Variants in SLC25A21 observed in about 807,000 individuals in gnomAD.
SLC25A21 encodes the protein mitochondrial 2-oxodicarboxylate carrier.
A neutral mutation model predicts 43.8 loss-of-function variants in SLC25A21; 47 were observed. The observed-to-expected ratio is 1.07, with a 90% CI of 0.85 to 1.37. SLC25A21 has a LOEUF of 1.37. SLC25A21 is among the 40% of genes most tolerant of loss of function. The probability of loss-of-function intolerance (pLI) is 0.00; values close to 1 mark genes in which losing one functional copy is unlikely to be tolerated. For synonymous variants in SLC25A21, 131 were observed against 121.3 expected (o/e 1.08, Z -0.52); for missense variants, 352 against 350.2 (o/e 1.00, Z -0.04).
At chr14:36,683,790 T>C (rs750858612) in intron 9 of SLC25A21, 38 bp downstream of exon 9, 45 of 1,461,856 alleles carry the variant, frequency 3.1e-5, no homozygotes, top group Non-Finnish European at 4.1e-5. Context: ...GCTAGAACAA[T>C]AAAGAAGGAA....
intron 1 of SLC25A21, among the ~76,000 whole-genome samples, chr14:37,004,086 C>T (rs1448075685): frequency 6.6e-6 from 1 of 152,104 alleles, no homozygotes; most frequent in Non-Finnish European, 1.5e-5. Context: ...CTGCAAACCA[C>T]TCTTAGAATC....
chr14:36,798,823 G>A (rs1175804923), intron 3 of SLC25A21, among the ~76,000 whole-genome samples: 1 of 152,032 alleles, frequency 6.6e-6, no homozygotes, highest in African/African-American at 2.4e-5. Flanking sequence ...TAATGGGATT[G>A]TCCAGCATTA....
Position 37,016,813 on chromosome 14 carries a change from C to T in SLC25A21, c.71-141809G>A, listed in dbSNP as rs1383624035. 2.4e-4 allele frequency among the ~76,000 whole-genome samples: 37 copies of T among 152,078 alleles called. 1 individual carries two copies. Among genetic ancestry groups the T allele is most frequent in the Admixed American group, 2.4e-3 (37 of 15,224 alleles). On this transcript the variant is annotated intron_variant, in intron 1 of 9. Transcript: ENST00000331299. The stretch of plus-strand genomic sequence containing the variant: ...GCTACATTAACACTGACTGTTTCAC[C>T]TTGCACTTTTCTGTTATGAAGACAG...
chr14:37,112,538 G>A (rs939178100), intron 1 of SLC25A21, among the ~76,000 whole-genome samples: 6 of 152,074 alleles, frequency 3.9e-5, no homozygotes, highest in Non-Finnish European at 8.8e-5. Flanking sequence ...CTTTTAGCTG[G>A]ACACATAATT....
intron 1 of SLC25A21, among the ~76,000 whole-genome samples, chr14:37,095,652 G>C (rs1962674981): frequency 6.6e-6 from 1 of 152,258 alleles, no homozygotes. Flanking sequence ...TTGGGAGGCT[G>C]AAGTAGGAGG....
intron 3 of SLC25A21, among the ~76,000 whole-genome samples, chr14:36,764,649 T>A (rs1886343273): frequency 1.5e-5 from 2 of 137,236 alleles, no homozygotes; most frequent in South Asian, 5.0e-4. Flanking sequence ...CATGCCCACA[T>A]ACACACACAC....
chr14:37,089,477 A>G (rs1962543871), intron 1 of SLC25A21, among the ~76,000 whole-genome samples: 1 of 152,184 alleles, frequency 6.6e-6, no homozygotes, highest in South Asian at 2.1e-4. Context: ...CTGGTATGTT[A>G]TTAGCTCTTA....
intron 1 of SLC25A21, among the ~76,000 whole-genome samples, chr14:37,069,739 C>T (rs929207327): frequency 6.6e-6 from 1 of 152,060 alleles, no homozygotes; most frequent in Non-Finnish European, 1.5e-5. Flanking sequence ...GAATAGAGGC[C>T]CTTTTCCAGG....
At chr14:36,769,133 T>C (rs890282640) in intron 3 of SLC25A21, among the ~76,000 whole-genome samples, 15 of 152,192 alleles carry the variant, frequency 9.9e-5, no homozygotes, top group African/African-American at 3.4e-4. Flanking sequence ...ACATAGGTGA[T>C]GTGGCATTAC....
At chr14:37,130,254 A>T (rs1482154702) in intron 1 of SLC25A21, among the ~76,000 whole-genome samples, 1 of 151,886 alleles carries the variant, frequency 6.6e-6, no homozygotes. Flanking sequence ...ACAGAGAAAA[A>T]CTCTGTTTCT....
intron 3 of SLC25A21, among the ~76,000 whole-genome samples, chr14:36,813,590 G>T (rs1358424656): frequency 6.6e-6 from 1 of 152,028 alleles, no homozygotes; most frequent in African/African-American, 2.4e-5. Flanking sequence ...GTGTGAACGG[G>T]GAATGAATTT....
chr14:37,078,259 C>T lies in SLC25A21; in HGVS notation c.70+94022G>A, dbSNP rs1453633630. On this transcript the variant is annotated intron_variant, in intron 1 of 9. Transcript: ENST00000331299. ...AAAATGGCCTTTAAGGCACACACTC[C>T]TGAGGTTTCACTGCTGGGTTAGCTG... 2.6e-5 allele frequency among the ~76,000 whole-genome samples: 4 copies of T among 152,224 alleles called. No individual in the cohort carries two copies. The East Asian group carries it at 7.7e-4, about 29-fold the overall frequency.
At chr14:36,987,900 T>C (rs755894151) in intron 1 of SLC25A21, among the ~76,000 whole-genome samples, 1 of 152,234 alleles carries the variant, frequency 6.6e-6, no homozygotes, top group Non-Finnish European at 1.5e-5. Context: ...CCATGGTTCT[T>C]TCATATGGGC....
chr14:37,052,132 A>G (rs1961721132), intron 1 of SLC25A21, among the ~76,000 whole-genome samples: 1 of 152,256 alleles, frequency 6.6e-6, no homozygotes, highest in East Asian at 1.9e-4. Context: ...AGTTATATGC[A>G]TAATAAATTT....
chr14:36,894,449 TG>T (rs1209894900), intron 1 of SLC25A21, among the ~76,000 whole-genome samples: 1 of 152,140 alleles, frequency 6.6e-6, no homozygotes, highest in African/African-American at 2.4e-5. Context: ...GCTGAGACAA[TG>T]GGGTTTTCTA....
intron 1 of SLC25A21, among the ~76,000 whole-genome samples, chr14:37,150,031 C>A (rs78954639): frequency 1.3e-5 from 2 of 151,964 alleles, no homozygotes; most frequent in African/African-American, 4.8e-5. Flanking sequence ...GAAAAAAATC[C>A]TGTTTAGAAC....
intron 1 of SLC25A21, among the ~76,000 whole-genome samples, chr14:37,104,574 T>C (rs1962877360): frequency 6.6e-6 from 1 of 152,216 alleles, no homozygotes; most frequent in African/African-American, 2.4e-5. Flanking sequence ...TTTATATTAC[T>C]ATGGCCCGTG....
intron 3 of SLC25A21, among the ~76,000 whole-genome samples, chr14:36,753,919 C>CAGAGAGAGAGAGAGAGAGAG (rs56871881): frequency 1.6e-3 from 214 of 130,010 alleles, no homozygotes; most frequent in South Asian, 3.3e-3. Flanking sequence ...TCACTGGGGA[C>CAGAGAGAGAGAGAGAGAGAG]AGAGAGAGAG....
intron 1 of SLC25A21, among the ~76,000 whole-genome samples, chr14:37,145,472 C>CAG (rs1188016664): frequency 0.035 from 1,479 of 42,036 alleles, 14 homozygotes; most frequent in African/African-American, 0.055. Context: ...CACACACACA[C>CAG]ACACAGAGAG....
Sources: gnomAD v4.1 joint callset for allele counts (sites outside exome capture counted in the v4.1 genomes callset) on GRCh38, gnomAD v4.1.1 for gene constraint, MANE v1.5 for transcripts, NCBI Gene and HGNC (gene_info 2026-07-23, HGNC 2026-07-21) for gene names.